Variants in CRADD observed in about 807,000 individuals in gnomAD.
CRADD encodes the protein death domain-containing protein CRADD.
CRADD carries 9 observed loss-of-function variants against 15.5 expected under a neutral mutation model. The observed-to-expected ratio is 0.58, with a 90% CI of 0.35 to 1.01. The LOEUF (loss-of-function observed/expected upper bound fraction) is 1.01, where lower values mean the gene tolerates loss of function less well. CRADD is among the 50% of genes least tolerant of loss of function. The pLI, the probability that CRADD is intolerant of heterozygous loss-of-function variation, is 0.02. For synonymous variants in CRADD, 118 were observed against 107.6 expected (o/e 1.10, Z -0.60); for missense variants, 227 against 250.3 (o/e 0.91, Z 0.63).
chr12:93,741,992 T>C (rs1956676039), intron 2 of CRADD, among the ~76,000 whole-genome samples: 1 of 152,138 alleles, frequency 6.6e-6, no homozygotes, highest in South Asian at 2.1e-4. Flanking sequence ...CTAGCCATTG[T>C]TATGGAAAGT....
chr12:93,779,600 T>TG lies in CRADD; in HGVS notation c.299-70370_299-70369insG, dbSNP rs1266435166. On this transcript the variant is annotated intron_variant, in intron 2 of 2. Transcript: ENST00000332896. ...AGGAAAAAGAAAGAACCTTTTTTTT[T>TG]TTTTTTTGAGACAGAGTCTCACTCT... Among the ~76,000 whole-genome samples the TG allele has an allele frequency of 7.3e-5, 11 of 150,798 alleles. No homozygotes were observed. In the East Asian group the frequency reaches 2.1e-3, roughly 29 times the overall value.
chr12:93,785,363 T>C (rs1192095995), intron 2 of CRADD, among the ~76,000 whole-genome samples: 1 of 152,214 alleles, frequency 6.6e-6, no homozygotes, highest in African/African-American at 2.4e-5. Context: ...AAAAATTGTG[T>C]CTACTCCAAA....
chr12:93,850,000 T>A lies in CRADD; in HGVS notation c.329T>A (p.Ile110Asn). ...AGATTGACTGGGATCCCCTCGCACATCCTCAACAGCTCCCCATCAGACCGG... is the reference window on the plus strand; with the variant it reads ...AGATTGACTGGGATCCCCTCGCACAACCTCAACAGCTCCCCATCAGACCGG... ...GDRLTGIPSH[I>N]LNSSPSDRQI... is the part of the protein sequence containing the mutation. The change falls in exon 3 of 3, where the codon ATC becomes AAC. Residue 110 changes from isoleucine to asparagine, a missense_variant. Physicochemically the swap from Ile to Asn is moderately radical, Grantham distance 149. Coordinates refer to ENST00000332896, the MANE Select transcript of CRADD (RefSeq NM_003805.5). The A allele has an allele frequency of 6.2e-7, 1 of 1,610,838 alleles. No individual in the cohort carries two copies. Among genetic ancestry groups the A allele is most frequent in the Non-Finnish European group, 8.5e-7 (1 of 1,176,958 alleles).
downstream of CRADD, among the ~76,000 whole-genome samples, chr12:93,853,802 G>A (rs1245981649): frequency 6.6e-6 from 1 of 152,180 alleles, no homozygotes; most frequent in African/African-American, 2.4e-5. Flanking sequence ...CTTATGAAGG[G>A]TTGATAGTCT....
chr12:93,831,411 T>C (rs1208408116), intron 2 of CRADD: 1 of 152,220 alleles, frequency 6.6e-6, no homozygotes, highest in Non-Finnish European at 1.5e-5. Context: ...TTATTTGAAA[T>C]ATTGCAAATC....
chr12:93,772,499 CAT>C (rs1440317237), intron 2 of CRADD, among the ~76,000 whole-genome samples: 3 of 152,216 alleles, frequency 2.0e-5, no homozygotes, highest in Admixed American at 1.3e-4. Flanking sequence ...TCTGACACCT[CAT>C]ATTGGAAGCC....
intron 2 of CRADD, among the ~76,000 whole-genome samples, chr12:93,830,246 C>T (rs1182398738): frequency 6.6e-6 from 1 of 152,150 alleles, no homozygotes; most frequent in Non-Finnish European, 1.5e-5. Context: ...GCTTGGAAGG[C>T]TCCCAGAAAG....
intron 2 of CRADD, chr12:93,714,804 A>G (rs1956133572): frequency 6.6e-6 from 1 of 152,164 alleles, no homozygotes; most frequent in Admixed American, 6.5e-5. Flanking sequence ...AATCCTCAAC[A>G]CAATTCCTCT....
At chr12:93,723,240 C>T (rs565436078) in intron 2 of CRADD, among the ~76,000 whole-genome samples, 115 of 152,296 alleles carry the variant, frequency 7.6e-4, no homozygotes, top group African/African-American at 2.6e-3. Flanking sequence ...AAACGTTAGC[C>T]ACAAGATTAG....
intron 2 of CRADD, among the ~76,000 whole-genome samples, chr12:93,773,833 T>TTTTG (rs1475256838): frequency 1.3e-5 from 2 of 148,326 alleles, no homozygotes; most frequent in African/African-American, 5.0e-5. Context: ...TTTTTTTTTT[T>TTTTG]TTGAGACAGG....
chr12:93,782,914 G>A (rs983487019), intron 2 of CRADD, among the ~76,000 whole-genome samples: 3 of 152,120 alleles, frequency 2.0e-5, no homozygotes, highest in Non-Finnish European at 4.4e-5. Context: ...AATCAGAATG[G>A]TAAAATATAA....
intron 2 of CRADD, among the ~76,000 whole-genome samples, chr12:93,801,559 T>G (rs1957476915): frequency 6.6e-6 from 1 of 152,092 alleles, no homozygotes; most frequent in Non-Finnish European, 1.5e-5. Flanking sequence ...CCACTATGCC[T>G]GGCTAATTTT....
At chr12:93,726,572 G>C (rs933030522) in intron 2 of CRADD, among the ~76,000 whole-genome samples, 1 of 152,018 alleles carries the variant, frequency 6.6e-6, no homozygotes, top group Non-Finnish European at 1.5e-5. Context: ...ACTTGGAGGG[G>C]TACATCTCTT....
chr12:93,887,689 A>G (rs1439620618), intron 2 of CRADD, among the ~76,000 whole-genome samples: 1 of 152,214 alleles, frequency 6.6e-6, no homozygotes, highest in Non-Finnish European at 1.5e-5. Context: ...TGCTTCTACT[A>G]AAAGGCAACT....
intron 2 of CRADD, among the ~76,000 whole-genome samples, chr12:93,768,706 T>G (rs974986281): frequency 1.3e-5 from 2 of 152,224 alleles, no homozygotes; most frequent in Non-Finnish European, 2.9e-5. Context: ...ATAACGTACA[T>G]GCAGAAAAGT....
chr12:93,865,704 C>A (rs1958361095), intron 2 of CRADD, among the ~76,000 whole-genome samples: 1 of 152,196 alleles, frequency 6.6e-6, no homozygotes, highest in African/African-American at 2.4e-5. Flanking sequence ...GCCAGGCTAT[C>A]CTCCTGTATA....
At chr12:93,874,054 G>T (rs879387043) in intron 2 of CRADD, among the ~76,000 whole-genome samples, 3 of 152,094 alleles carry the variant, frequency 2.0e-5, no homozygotes, top group Admixed American at 1.3e-4. Context: ...GTAGAATTCA[G>T]CAGTGAAGCC....
chr12:93,736,967 A>G (rs1225023767), intron 2 of CRADD, among the ~76,000 whole-genome samples: 1 of 152,258 alleles, frequency 6.6e-6, no homozygotes, highest in East Asian at 1.9e-4. Flanking sequence ...TTGAGCAAAC[A>G]TGGTACTGTC....
intron 2 of CRADD, among the ~76,000 whole-genome samples, chr12:93,681,891 G>GTA (rs1447352606): frequency 2.6e-5 from 4 of 152,208 alleles, no homozygotes; most frequent in African/African-American, 7.2e-5. Context: ...ATGTATATAT[G>GTA]TATATAGAGA....
Sources: allele counts gnomAD v4.1 joint callset (sites outside exome capture counted in the v4.1 genomes callset), GRCh38; gene constraint gnomAD v4.1.1; transcripts MANE v1.5; gene names NCBI Gene and HGNC (gene_info 2026-07-23, HGNC 2026-07-21).